ZMYM4: variants seen among roughly 807,000 people sequenced by gnomAD.
The protein encoded by ZMYM4 is zinc finger MYM-type protein 4.
Under a neutral mutation model 183.2 loss-of-function variants are expected in ZMYM4, and 31 were observed. The ratio of observed to expected loss-of-function variants is 0.17; its 90% CI spans 0.13 to 0.23. The LOEUF is 0.23. Ranked by LOEUF, ZMYM4 falls within the 10% of genes least tolerant of loss-of-function variation. The pLI is 1.00. For missense variants in ZMYM4, 1,273 were observed against 1,840.3 expected, an observed-to-expected ratio of 0.69 and a Z score of 5.64; for synonymous variants, 592 against 631.2, an observed-to-expected ratio of 0.94 and a Z score of 0.93.
chr1:35,364,875 G>A (rs1385913262), intron 5 of ZMYM4, among the ~76,000 whole-genome samples: 2 of 152,104 alleles, frequency 1.3e-5, no homozygotes, highest in African/African-American at 2.4e-5. Flanking sequence ...GCTGAAATGT[G>A]TGTGTATGTA....
intron 1 of ZMYM4, among the ~76,000 whole-genome samples, chr1:35,322,002 A>G (rs1642302236): frequency 6.6e-6 from 1 of 151,926 alleles, no homozygotes; most frequent in Non-Finnish European, 1.5e-5. Context: ...TCATCAGTAT[A>G]ATATAATAAG....
chr1:35,319,596 C>T (rs1642199883), intron 1 of ZMYM4, among the ~76,000 whole-genome samples: 1 of 152,016 alleles, frequency 6.6e-6, no homozygotes, highest in African/African-American at 2.4e-5. Context: ...GCATTCCAGC[C>T]TGGGCAACAG....
intron 17 of ZMYM4, among the ~76,000 whole-genome samples, chr1:35,392,889 G>C (rs1644736884): frequency 6.6e-6 from 1 of 152,124 alleles, no homozygotes; most frequent in Admixed American, 6.6e-5. Flanking sequence ...TGCTGGCTAT[G>C]TAGTTACTGA....
At chr1:35,391,988 C>T (rs1295280905) in intron 15 of ZMYM4, among the ~76,000 whole-genome samples, 2 of 151,984 alleles carry the variant, frequency 1.3e-5, no homozygotes, top group South Asian at 4.1e-4. Flanking sequence ...TCGCTGTGAG[C>T]TGATATCGTG....
chr1:35,390,474 G>A (rs1644681147), intron 15 of ZMYM4, among the ~76,000 whole-genome samples: 1 of 151,922 alleles, frequency 6.6e-6, no homozygotes, highest in Non-Finnish European at 1.5e-5. Flanking sequence ...CTCAGTGGGG[G>A]AGCTTTTTGA....
chr1:35,390,067 T>C lies in ZMYM4; in HGVS notation c.2556T>C (p.Ser852=), dbSNP rs1405504909. 6.2e-7 allele frequency: 1 copy of C among 1,613,876 alleles called. No individual in the cohort carries two copies. Among genetic ancestry groups the C allele is most frequent in the Non-Finnish European group, 8.5e-7 (1 of 1,179,886 alleles). The part of the protein sequence containing the change: ...LCILMFCNQQ[S]VCDPPSQNNA... ...TCTTGATGTTCTGTAATCAGCAAAG[T>C]GTATGTGACCCGCCTTCACAAAATA... Residue 852 remains serine (S), a synonymous_variant, in exon 15 of 30, where the codon AGT becomes AGC. Coordinates refer to ENST00000314607, the MANE Select transcript of ZMYM4 (RefSeq NM_005095.3).
At chr1:35,376,946 G>T (rs190475198) in intron 7 of ZMYM4, among the ~76,000 whole-genome samples, 5 of 151,384 alleles carry the variant, frequency 3.3e-5, no homozygotes, top group African/African-American at 4.9e-5. Flanking sequence ...TTGCCCTGTT[G>T]CCCAGGCTGA....
intron 1 of ZMYM4, chr1:35,308,977 G>C: frequency 1.0e-6 from 1 of 985,378 alleles, no homozygotes; most frequent in Non-Finnish European, 1.2e-6. Context: ...AGACAGCCTT[G>C]TTTGAAAGAG....
intron 21 of ZMYM4, 84 bp from the exon 22 acceptor site, chr1:35,398,780 A>T: frequency 1.4e-6 from 2 of 1,426,418 alleles, no homozygotes; most frequent in Admixed American, 1.9e-5. Context: ...ATTTTTTGGT[A>T]TTTAGGGGTT....
chr1:35,274,865 T>C (rs1002237709), intron 1 of ZMYM4, among the ~76,000 whole-genome samples: 9 of 152,208 alleles, frequency 5.9e-5, no homozygotes, highest in Non-Finnish European at 1.0e-4. Flanking sequence ...GCTGGAGATA[T>C]GATGGCTAAA....
chr1:35,366,753 T>C (rs1644089433), intron 5 of ZMYM4, among the ~76,000 whole-genome samples: 1 of 152,208 alleles, frequency 6.6e-6, no homozygotes, highest in African/African-American at 2.4e-5. Flanking sequence ...GGCTCACGCC[T>C]GTAATCCTAA....
At position 35,269,208 on chromosome 1, in the gene ZMYM4, G is replaced by T. The variant is rs1045454686; in HGVS notation, c.39+123G>T. Reference sequence around the variant, plus strand: ...CCAGTTAGGACAAGGTTGCGGGCAGGTCTGAGGCAGCCTTGGGTCCGGAGC... The same window carrying T: ...CCAGTTAGGACAAGGTTGCGGGCAGTTCTGAGGCAGCCTTGGGTCCGGAGC... On this transcript the variant is annotated intron_variant, in intron 1 of 29. Transcript: ENST00000314607. 8.4e-6 allele frequency: 10 copies of T among 1,196,378 alleles called. No homozygotes were observed. In the African/African-American group the frequency reaches 1.6e-4, roughly 19 times the overall value. 74.1% of individuals were successfully genotyped at this position (1,196,378 alleles called of 1,614,324 possible).
At chr1:35,320,590 A>G (rs539432422) in intron 1 of ZMYM4, among the ~76,000 whole-genome samples, 4 of 152,188 alleles carry the variant, frequency 2.6e-5, no homozygotes, top group African/African-American at 4.8e-5. Context: ...CTGGCCAGTT[A>G]CAAGGTCAAG....
In ZMYM4 at chr1:35,283,326, C is replaced by CTTTTTT. The variant is rs201360397; in HGVS notation, c.39+14265_39+14270dup. On this transcript the variant is annotated intron_variant, in intron 1 of 29. Transcript: ENST00000314607. ...TGTCCTAGTGGGTGTGAAGTGGTATCTTTTTTTTTTTTTTTTTTTTTTTTT... is the reference window on the plus strand; with the variant it reads ...TGTCCTAGTGGGTGTGAAGTGGTATCTTTTTTTTTTTTTTTTTTTTTTTTTTTTTTT... 5.6e-4 allele frequency among the ~76,000 whole-genome samples: 32 copies of CTTTTTT among 56,770 alleles called. 7 individuals carry two copies. Among genetic ancestry groups the CTTTTTT allele is most frequent in the African/African-American group, 2.2e-3 (23 of 10,506 alleles). The allele number at this position is 56,770 out of a possible 152,430, so 37.2% of individuals were successfully genotyped here.
intron 9 of ZMYM4, among the ~76,000 whole-genome samples, chr1:35,382,651 G>C (rs1270526272): frequency 1.3e-5 from 2 of 151,878 alleles, no homozygotes; most frequent in Admixed American, 1.3e-4. Flanking sequence ...CACTATACTG[G>C]CCAGGCTGGT....
At chr1:35,395,307 G>T (rs1282825409) in intron 18 of ZMYM4, among the ~76,000 whole-genome samples, 1 of 150,324 alleles carries the variant, frequency 6.7e-6, no homozygotes, top group South Asian at 2.1e-4. Context: ...ATTATGTAAA[G>T]TTTGTTGGCC....
rs36112055 is a variant in ZMYM4 at position 35,313,390 on chromosome 1, C to CTTT, written c.40-11956_40-11954dup. On this transcript the variant is annotated intron_variant, in intron 1 of 29. Coordinates refer to ENST00000314607, the MANE Select transcript of ZMYM4 (RefSeq NM_005095.3). ...TCTGTCACTTTTTCTTTTTCTTTTT[C>CTTT]TTTTTTTTTTTTTTTTGAGACAGAG... Among the ~76,000 whole-genome samples, 80 of 131,548 alleles carry CTTT rather than the reference C, an allele frequency of 6.1e-4. 2 individuals are homozygous for CTTT. Among genetic ancestry groups the CTTT allele is most frequent in the South Asian group, 7.2e-4 (3 of 4,194 alleles). The allele number at this position is 131,548 out of a possible 152,430, so 86.3% of individuals were successfully genotyped here. A position where few individuals can be genotyped will look rare whatever the true frequency, so the allele number is the denominator to read the frequency against.
At chr1:35,342,881 C>T (rs1643254196) in intron 2 of ZMYM4, among the ~76,000 whole-genome samples, 1 of 151,832 alleles carries the variant, frequency 6.6e-6, no homozygotes, top group Admixed American at 6.6e-5. Context: ...GGGGTTTCAC[C>T]ATGTTGCCCA....
In ZMYM4 at chr1:35,359,162, A is replaced by T. The variant is rs189096461; in HGVS notation, c.323A>T (p.Asp108Val). Residue 108 changes from aspartate (D) to valine (V), a missense_variant, in exon 3 of 30, where the codon GAT becomes GTT. Asp to Val is a radical substitution (Grantham distance 152). Coordinates refer to ENST00000314607, the MANE Select transcript of ZMYM4 (RefSeq NM_005095.3). ...AATCTTGTTTCTTCAATTCATACTG[A>T]TGATAGCTTGGAAGTAGAGAGAAGA... Reference protein sequence around the residue: ...KDNLVSSIHTDDSLEVERRVT... With the variant: ...KDNLVSSIHTVDSLEVERRVT... 1 of 1,613,700 alleles carries T rather than the reference A, an allele frequency of 6.2e-7. No individual in the cohort carries two copies. Among genetic ancestry groups the T allele is most frequent in the Non-Finnish European group, 8.5e-7 (1 of 1,179,706 alleles).
Sources: gnomAD v4.1 joint callset for allele counts (sites outside exome capture counted in the v4.1 genomes callset) on GRCh38, gnomAD v4.1.1 for gene constraint, MANE v1.5 for transcripts, NCBI Gene and HGNC (gene_info 2026-07-23, HGNC 2026-07-21) for gene names.